Variants in ERGIC1 observed in about 807,000 individuals in gnomAD.
The protein encoded by ERGIC1 is endoplasmic reticulum-Golgi intermediate compartment protein 1.
In ERGIC1, 19 loss-of-function variants were observed where a neutral mutation model predicts 38.3. The observed-to-expected ratio is 0.50, with a 90% CI of 0.35 to 0.73. ERGIC1 has a LOEUF of 0.73. ERGIC1 is among the 30% of genes least tolerant of loss of function. The pLI, the probability that ERGIC1 is intolerant of heterozygous loss-of-function variation, is 0.01. For synonymous variants in ERGIC1, 124 were observed against 157.6 expected, an observed-to-expected ratio of 0.79 and a Z score of 1.60; for missense variants, 294 against 389.2, an observed-to-expected ratio of 0.76 and a Z score of 2.06.
intron 8 of ERGIC1, 122 bp from the exon 9 acceptor site, chr5:172,935,066 T>G: frequency 6.9e-7 from 1 of 1,444,644 alleles, no homozygotes; most frequent in Non-Finnish European, 9.6e-7. Flanking sequence ...GGAGTCTGGC[T>G]TCGTGGGGCA....
At chr5:172,925,714 T>G (rs1449356491) in intron 6 of ERGIC1, among the ~76,000 whole-genome samples, 1 of 152,162 alleles carries the variant, frequency 6.6e-6, no homozygotes, top group Middle Eastern at 3.2e-3. Context: ...ACTTCCCACT[T>G]TCCTCCAGAT....
chr5:172,872,279 TC>T lies in ERGIC1; in HGVS notation c.21-16419del, dbSNP rs549753256. The stretch of plus-strand genomic sequence containing the variant: ...GTCTCTACACAGTCTTTCCTGAACC[TC>T]AGTTTTATTTTTCTGTAAAAATGGG... On this transcript the variant is annotated intron_variant, in intron 1 of 9. Coordinates refer to ENST00000393784, the MANE Select transcript of ERGIC1 (RefSeq NM_001031711.3). 1.8e-4 allele frequency among the ~76,000 whole-genome samples: 27 copies of T among 152,300 alleles called. 1 individual carries two copies. In the South Asian group the frequency reaches 5.4e-3, roughly 30 times the overall value.
At chr5:172,947,062 T>G (rs1764137942) in intron 9 of ERGIC1, among the ~76,000 whole-genome samples, 1 of 151,550 alleles carries the variant, frequency 6.6e-6, no homozygotes. Context: ...TGGGCACCTG[T>G]AATCCCAGCT....
At chr5:172,845,143 TCA>T (rs1192849997) in intron 1 of ERGIC1, among the ~76,000 whole-genome samples, 1 of 152,140 alleles carries the variant, frequency 6.6e-6, no homozygotes, top group Non-Finnish European at 1.5e-5. Context: ...TTAGCCAGTA[TCA>T]CGCCCCAGGA....
intron 1 of ERGIC1, among the ~76,000 whole-genome samples, chr5:172,835,611 C>T (rs1277598564): frequency 1.3e-5 from 2 of 152,196 alleles, no homozygotes; most frequent in African/African-American, 4.8e-5. Flanking sequence ...TTCTTCCCCT[C>T]TTCTTGCATG....
chr5:172,839,671 A>C (rs1761113376), intron 1 of ERGIC1, among the ~76,000 whole-genome samples: 1 of 152,196 alleles, frequency 6.6e-6, no homozygotes, highest in Non-Finnish European at 1.5e-5. Flanking sequence ...CAGAGAGAAA[A>C]TTATGTGAAA....
intron 4 of ERGIC1, among the ~76,000 whole-genome samples, chr5:172,914,103 C>T (rs576135375): frequency 4.2e-4 from 64 of 151,864 alleles, no homozygotes; most frequent in African/African-American, 1.3e-3. Flanking sequence ...TTTGTATAGG[C>T]GGGCACCTAT....
intron 1 of ERGIC1, among the ~76,000 whole-genome samples, chr5:172,855,921 C>T (rs1255473871): frequency 2.0e-5 from 3 of 152,206 alleles, no homozygotes; most frequent in Non-Finnish European, 4.4e-5. Context: ...CCTGTGGCGT[C>T]CAGTCTTTTT....
intron 9 of ERGIC1, among the ~76,000 whole-genome samples, chr5:172,940,698 G>A (rs1428560062): frequency 2.0e-5 from 3 of 152,082 alleles, no homozygotes; most frequent in South Asian, 2.1e-4. Context: ...GGAGAGTTGC[G>A]CAGCTCCCTT....
chr5:172,943,147 G>T (rs1278850895), intron 9 of ERGIC1, among the ~76,000 whole-genome samples: 2 of 152,144 alleles, frequency 1.3e-5, no homozygotes, highest in Non-Finnish European at 2.9e-5. Flanking sequence ...CCTAGCAGTG[G>T]CAAGGATTGA....
At chr5:172,888,556 G>T in intron 1 of ERGIC1, 143 bp from the exon 2 acceptor site, 1 of 720,560 alleles carries the variant, frequency 1.4e-6, no homozygotes, top group Non-Finnish European at 2.6e-6. Context: ...GCATCTTGGA[G>T]AAAGTGTCCT....
At chr5:172,904,499 C>T (rs1436957575) in intron 3 of ERGIC1, among the ~76,000 whole-genome samples, 4 of 152,246 alleles carry the variant, frequency 2.6e-5, no homozygotes, top group South Asian at 4.1e-4. Flanking sequence ...GAGCCCACAC[C>T]GGTCTGCCAC....
chr5:172,862,532 C>A (rs947683288), intron 1 of ERGIC1, among the ~76,000 whole-genome samples: 1 of 152,152 alleles, frequency 6.6e-6, no homozygotes, highest in Non-Finnish European at 1.5e-5. Flanking sequence ...TTGAAGAATT[C>A]TCCACAGCAA....
intron 2 of ERGIC1, among the ~76,000 whole-genome samples, chr5:172,893,921 G>A (rs1257894209): frequency 0.11 from 6,922 of 63,918 alleles, 951 homozygotes; most frequent in African/African-American, 0.22. Flanking sequence ...GTGTGTGTGT[G>A]TGTGTGTGTG....
intron 9 of ERGIC1, among the ~76,000 whole-genome samples, chr5:172,943,180 C>T (rs1764048460): frequency 6.6e-6 from 1 of 152,260 alleles, no homozygotes; most frequent in South Asian, 2.1e-4. Context: ...GAGAAGGTGC[C>T]ATCTCAGACC....
chr5:172,885,782 C>T (rs990041044), intron 1 of ERGIC1, among the ~76,000 whole-genome samples: 1 of 152,184 alleles, frequency 6.6e-6, no homozygotes, highest in Non-Finnish European at 1.5e-5. Context: ...TCCTATGACA[C>T]GAGGCGGACC....
intron 4 of ERGIC1, among the ~76,000 whole-genome samples, chr5:172,911,181 A>G (rs532300906): frequency 6.6e-5 from 10 of 152,212 alleles, no homozygotes; most frequent in Admixed American, 3.9e-4. Flanking sequence ...GGCCAGAGAT[A>G]GGAAGAGTCT....
chr5:172,871,166 G>A (rs1195883095), intron 1 of ERGIC1, among the ~76,000 whole-genome samples: 7 of 152,214 alleles, frequency 4.6e-5, no homozygotes, highest in Non-Finnish European at 8.8e-5. Flanking sequence ...GTCCCCGTGG[G>A]GGCACTTCAT....
intron 1 of ERGIC1, among the ~76,000 whole-genome samples, chr5:172,836,447 C>G (rs557200861): frequency 1.3e-5 from 2 of 152,320 alleles, no homozygotes; most frequent in African/African-American, 4.8e-5. Flanking sequence ...GAAATACTCT[C>G]AGGGCTTGGG....
Sources: gnomAD v4.1 joint callset for allele counts (sites outside exome capture counted in the v4.1 genomes callset) on GRCh38, gnomAD v4.1.1 for gene constraint, MANE v1.5 for transcripts, NCBI Gene and HGNC (gene_info 2026-07-23, HGNC 2026-07-21) for gene names.